Variants in TMEM132D observed in about 807,000 individuals in gnomAD.
TMEM132D encodes transmembrane protein 132D.
In TMEM132D, 21 loss-of-function variants were observed where a neutral mutation model predicts 62.3. That is an observed-to-expected ratio of 0.34 (90% CI 0.24 to 0.49). The LOEUF (loss-of-function observed/expected upper bound fraction) is 0.49. TMEM132D is among the 20% of genes least tolerant of loss of function. The probability of loss-of-function intolerance (pLI) is 0.99; values close to 1 mark genes in which losing one functional copy is unlikely to be tolerated. For synonymous variants in TMEM132D, 621 were observed against 575.6 expected (o/e 1.08, Z -1.13); for missense variants, 1,346 against 1,402.8 (o/e 0.96, Z 0.65).
intron 3 of TMEM132D, among the ~76,000 whole-genome samples, chr12:129,368,435 C>T (rs1210636451): frequency 1.3e-5 from 2 of 152,184 alleles, no homozygotes; most frequent in Admixed American, 1.3e-4. Flanking sequence ...CCATTCTGTT[C>T]ATTTGTTTAA....
chr12:129,706,350 C>T (rs1565956429), intron 1 of TMEM132D, among the ~76,000 whole-genome samples: 1 of 151,744 alleles, frequency 6.6e-6, no homozygotes, highest in African/African-American at 2.4e-5. Context: ...GGGGTCACAA[C>T]TTTAATACAA....
intron 3 of TMEM132D, among the ~76,000 whole-genome samples, chr12:129,479,113 G>T (rs1292357800): frequency 1.3e-5 from 2 of 152,154 alleles, no homozygotes; most frequent in Non-Finnish European, 2.9e-5. Flanking sequence ...AGTTCTTTGA[G>T]GACAAGAGTG....
chr12:129,161,728 C>A (rs1214438785), intron 5 of TMEM132D, among the ~76,000 whole-genome samples: 1 of 152,198 alleles, frequency 6.6e-6, no homozygotes, highest in African/African-American at 2.4e-5. Flanking sequence ...CCCCTGGAGG[C>A]TGACCTATTT....
intron 5 of TMEM132D, among the ~76,000 whole-genome samples, chr12:129,108,296 C>T (rs1411522432): frequency 6.6e-6 from 1 of 152,162 alleles, no homozygotes; most frequent in African/African-American, 2.4e-5. Flanking sequence ...CCATGTTCAC[C>T]GTGTGGCACC....
chr12:129,157,477 T>C (rs990047238), intron 5 of TMEM132D, among the ~76,000 whole-genome samples: 5 of 152,254 alleles, frequency 3.3e-5, no homozygotes, highest in African/African-American at 1.2e-4. Context: ...ATTATGGACA[T>C]AAAACTGACA....
At chr12:129,647,979 A>C (rs1223867931) in intron 2 of TMEM132D, among the ~76,000 whole-genome samples, 2 of 152,154 alleles carry the variant, frequency 1.3e-5, no homozygotes, top group Admixed American at 1.3e-4. Context: ...TCGTAGTTTA[A>C]ATTTGAAACA....
chr12:129,488,398 T>C (rs1022606951), intron 3 of TMEM132D, among the ~76,000 whole-genome samples: 1 of 152,038 alleles, frequency 6.6e-6, no homozygotes, highest in Non-Finnish European at 1.5e-5. Context: ...TATTGTCGGG[T>C]GTGGTGGCTC....
chr12:129,888,204 A>G (rs1874805389), intron 1 of TMEM132D, among the ~76,000 whole-genome samples: 1 of 152,206 alleles, frequency 6.6e-6, no homozygotes, highest in South Asian at 2.1e-4. Context: ...CATAGTTTTT[A>G]CATCTAATTA....
chr12:129,742,551 T>C (rs1869643184), intron 1 of TMEM132D, among the ~76,000 whole-genome samples: 1 of 152,196 alleles, frequency 6.6e-6, no homozygotes. Flanking sequence ...AGTACACACA[T>C]TCAAACCATA....
intron 3 of TMEM132D, among the ~76,000 whole-genome samples, chr12:129,500,786 A>T (rs1875116084): frequency 1.3e-5 from 2 of 152,122 alleles, no homozygotes; most frequent in South Asian, 4.2e-4. Context: ...AGCCCAAATG[A>T]CCCAAAAGCT....
intron 5 of TMEM132D, among the ~76,000 whole-genome samples, chr12:129,167,814 G>C (rs1877609531): frequency 6.6e-6 from 1 of 152,078 alleles, no homozygotes; most frequent in African/African-American, 2.4e-5. Flanking sequence ...CCCAGATTCA[G>C]TGTTTCTAAG....
At chr12:129,843,043 G>A (rs866408496) in intron 1 of TMEM132D, among the ~76,000 whole-genome samples, 53 of 152,180 alleles carry the variant, frequency 3.5e-4, no homozygotes, top group Middle Eastern at 6.8e-3. Flanking sequence ...GGCAAAAAAC[G>A]TAAAACACAA....
At chr12:129,521,814 T>A (rs895306694) in intron 3 of TMEM132D, 4 of 152,168 alleles carry the variant, frequency 2.6e-5, no homozygotes, top group African/African-American at 7.2e-5. Context: ...TGATTCACAG[T>A]TTGGGCTATT....
At chr12:129,758,298 T>C (rs1175451153) in intron 1 of TMEM132D, among the ~76,000 whole-genome samples, 2 of 152,194 alleles carry the variant, frequency 1.3e-5, no homozygotes, top group Non-Finnish European at 2.9e-5. Flanking sequence ...TGAAGATATT[T>C]CTTCCTCTTC....
At chr12:129,420,311 T>G (rs978284323) in intron 3 of TMEM132D, among the ~76,000 whole-genome samples, 425 of 40,352 alleles carry the variant, frequency 0.011, 13 homozygotes, top group South Asian at 0.083. Context: ...TCTCTGTTTT[T>G]TTTTTTTTTT....
intron 5 of TMEM132D, among the ~76,000 whole-genome samples, chr12:129,200,548 G>T (rs1283803850): frequency 6.6e-6 from 1 of 152,120 alleles, no homozygotes; most frequent in Non-Finnish European, 1.5e-5. Flanking sequence ...AAGCCATTTG[G>T]CTAAACTCTT....
At chr12:129,254,012 A>C (rs1880338458) in intron 4 of TMEM132D, among the ~76,000 whole-genome samples, 1 of 152,234 alleles carries the variant, frequency 6.6e-6, no homozygotes, top group South Asian at 2.1e-4. Flanking sequence ...AAGGATGCTG[A>C]CTTCCTTGGA....
Position 129,816,821 on chromosome 12 carries a change from G to A in TMEM132D, c.79+86440C>T, listed in dbSNP as rs142851096. ...TACAGCATTTGCTAAAACGAACGCA[G>A]ATGATGTTCTCATGCGTGAATGAAT... is the stretch of plus-strand genomic sequence containing the variant. On this transcript the variant is annotated intron_variant, in intron 1 of 8. Transcript: ENST00000422113. 7.7e-3 allele frequency among the ~76,000 whole-genome samples: 1,166 copies of A among 152,310 alleles called. 15 individuals carry two copies. The highest frequency in any genetic ancestry group is 0.026 in the African/African-American group (1,088 of 41,548).
chr12:129,490,901 C>T (rs73429775), intron 3 of TMEM132D, among the ~76,000 whole-genome samples: 1,901 of 152,168 alleles, frequency 0.012, 40 homozygotes, highest in African/African-American at 0.043. Flanking sequence ...CATCCAGTTT[C>T]TTTAATCATT....
Sources: allele counts gnomAD v4.1 joint callset (sites outside exome capture counted in the v4.1 genomes callset), GRCh38; gene constraint gnomAD v4.1.1; transcripts MANE v1.5; gene names NCBI Gene and HGNC (gene_info 2026-07-23, HGNC 2026-07-21).